The following CDH13 variants were observed in gnomAD, a reference collection of about 807,000 sequenced individuals.
The protein encoded by CDH13 is cadherin-13.
A neutral mutation model predicts 63.8 loss-of-function variants in CDH13; 24 were observed. The ratio of observed to expected loss-of-function variants is 0.38; its 90% CI spans 0.27 to 0.53. The LOEUF is 0.53. Ranked by LOEUF, CDH13 falls within the 20% of genes least tolerant of loss-of-function variation. CDH13 has a pLI of 0.85. For missense variants in CDH13, 1,049 were observed against 903.1 expected (o/e 1.16, Z -2.07); for synonymous variants, 503 against 355.3 (o/e 1.42, Z -4.67).
chr16:82,959,856 C>A (rs901419400), intron 2 of CDH13, among the ~76,000 whole-genome samples: 1 of 152,152 alleles, frequency 6.6e-6, no homozygotes, highest in Admixed American at 6.5e-5. Flanking sequence ...ATGAGTACGG[C>A]AGCTATGCAC....
At chr16:83,673,381 C>T (rs1247321653) in intron 9 of CDH13, among the ~76,000 whole-genome samples, 4 of 152,152 alleles carry the variant, frequency 2.6e-5, no homozygotes, top group Non-Finnish European at 5.9e-5. Flanking sequence ...CTCAGGAGTA[C>T]TACCCTCCTC....
At chr16:82,934,643 T>G (rs564946097) in intron 2 of CDH13, among the ~76,000 whole-genome samples, 1 of 152,314 alleles carries the variant, frequency 6.6e-6, no homozygotes, top group African/African-American at 2.4e-5. Context: ...CTCTGCTTCC[T>G]CTTGCAAGCT....
In CDH13 at chr16:83,216,447, C is replaced by G. The variant is rs568250671; in HGVS notation, c.484-898C>G. On this transcript the variant is annotated intron_variant, in intron 4 of 13. Coordinates refer to ENST00000567109, the MANE Select transcript of CDH13 (RefSeq NM_001257.5). The stretch of plus-strand genomic sequence containing the variant: ...ATATATATATATATATATATATACA[C>G]AACCCTAATTTGAGGTTTATATATA... Among the ~76,000 whole-genome samples, 214 of 33,058 alleles carry G rather than the reference C, an allele frequency of 6.5e-3. 6 individuals are homozygous for G. Among genetic ancestry groups the G allele is most frequent in the Non-Finnish European group, 0.015 (175 of 11,634 alleles). The allele number at this position is 33,058 out of a possible 152,430, so 21.7% of individuals were successfully genotyped here. A position where few individuals can be genotyped will look rare whatever the true frequency, so the allele number is the denominator to read the frequency against.
intron 2 of CDH13, among the ~76,000 whole-genome samples, chr16:82,938,739 G>C (rs557098454): frequency 6.6e-6 from 1 of 152,194 alleles, no homozygotes. Flanking sequence ...GAGAGTCAAC[G>C]TAGGGTGCAG....
chr16:83,439,762 A>G (rs2072429693), intron 6 of CDH13, among the ~76,000 whole-genome samples: 1 of 152,210 alleles, frequency 6.6e-6, no homozygotes, highest in East Asian at 1.9e-4. Flanking sequence ...TGACAGGAGA[A>G]CACCAACATC....
intron 2 of CDH13, among the ~76,000 whole-genome samples, chr16:82,880,384 G>A (rs1484926452): frequency 6.6e-6 from 1 of 152,102 alleles, no homozygotes; most frequent in Non-Finnish European, 1.5e-5. Context: ...TTCATATATC[G>A]GTGGTACTAA....
chr16:83,776,361 T>G (rs1257508376), intron 11 of CDH13, among the ~76,000 whole-genome samples: 1 of 152,222 alleles, frequency 6.6e-6, no homozygotes, highest in Non-Finnish European at 1.5e-5. Context: ...GAAATTTAAC[T>G]AAATGACTAA....
chr16:83,047,790 G>C lies in CDH13; in HGVS notation c.366+15572G>C, dbSNP rs879844049. On this transcript the variant is annotated intron_variant, in intron 3 of 13. Coordinates refer to ENST00000567109, the MANE Select transcript of CDH13 (RefSeq NM_001257.5). This position sits in a 1 kb window ranked among gnomAD's most constrained non-coding sequence, Gnocchi z 4.9. The stretch of plus-strand genomic sequence containing the variant: ...AATTTATTTAGCTCAAACGTTGTGC[G>C]GGGCACCACTTTAAGTGCATTTCTT... Among the ~76,000 whole-genome samples, 22 of 152,144 alleles carry C rather than the reference G, an allele frequency of 1.4e-4. No individual in the cohort carries two copies. The Middle Eastern group carries it at 0.01, about 71-fold the overall frequency.
chr16:82,782,262 G>A (rs1300968909), intron 1 of CDH13, among the ~76,000 whole-genome samples: 1 of 152,144 alleles, frequency 6.6e-6, no homozygotes, highest in African/African-American at 2.4e-5. Flanking sequence ...GAAGAAAGGA[G>A]AAAAGAGTAA....
intron 6 of CDH13, among the ~76,000 whole-genome samples, chr16:83,381,719 A>AT (rs201398230): frequency 6.6e-6 from 1 of 151,770 alleles, no homozygotes; most frequent in African/African-American, 2.4e-5. Flanking sequence ...GAAATTAGGG[A>AT]TTAAAAAAAA....
chr16:83,725,940 T>C (rs928957419), intron 10 of CDH13: 4 of 152,226 alleles, frequency 2.6e-5, no homozygotes, highest in African/African-American at 9.6e-5. Flanking sequence ...ATAAATCAAT[T>C]CTCATGATCT....
chr16:83,046,468 AC>A (rs1189067803), intron 3 of CDH13, among the ~76,000 whole-genome samples: 1 of 152,240 alleles, frequency 6.6e-6, no homozygotes, highest in African/African-American at 2.4e-5. Context: ...AGAAAAGAAA[AC>A]TTTTAAATAA....
At chr16:82,793,635 A>T (rs2036428698) in intron 1 of CDH13, among the ~76,000 whole-genome samples, 2 of 152,132 alleles carry the variant, frequency 1.3e-5, no homozygotes, top group Admixed American at 1.3e-4. Flanking sequence ...TATGCCCGAT[A>T]TAGTAACAGA....
chr16:82,987,530 C>T, intron 2 of CDH13, among the ~76,000 whole-genome samples: 1 of 152,082 alleles, frequency 6.6e-6, no homozygotes, highest in East Asian at 1.9e-4. Context: ...GCCCCTAAAA[C>T]CACGCTCAGC....
At chr16:83,052,801 A>AAAAAAAAAG (rs1555571697) in intron 3 of CDH13, among the ~76,000 whole-genome samples, 6 of 122,670 alleles carry the variant, frequency 4.9e-5, no homozygotes, top group Non-Finnish European at 6.4e-5. Flanking sequence ...AAAAAAAAAA[A>AAAAAAAAAG]AAAGAAAGAA....
At chr16:82,882,359 C>A (rs139578125) in intron 2 of CDH13, among the ~76,000 whole-genome samples, 1 of 152,260 alleles carries the variant, frequency 6.6e-6, no homozygotes, top group Non-Finnish European at 1.5e-5. Context: ...CACTCACTTC[C>A]TGAAGTCACT....
chr16:83,317,163 C>T (rs937871661), intron 5 of CDH13, among the ~76,000 whole-genome samples: 1 of 152,168 alleles, frequency 6.6e-6, no homozygotes, highest in African/African-American at 2.4e-5. Context: ...ATTATCTGGT[C>T]CCAAATGTCA....
chr16:83,256,701 C>A (rs779248961), intron 5 of CDH13, among the ~76,000 whole-genome samples: 1 of 145,694 alleles, frequency 6.9e-6, no homozygotes, highest in Non-Finnish European at 1.5e-5. Context: ...AAAAATTAGC[C>A]GGGCATGGTG....
chr16:82,828,055 G>A (rs527365954), intron 1 of CDH13, among the ~76,000 whole-genome samples: 77 of 152,250 alleles, frequency 5.1e-4, no homozygotes, highest in African/African-American at 1.7e-3. Flanking sequence ...ATCCTATTAT[G>A]AGAGGTTAGA....
Sources: gnomAD v4.1 joint callset for allele counts (sites outside exome capture counted in the v4.1 genomes callset) on GRCh38, gnomAD v4.1.1 for gene constraint, Gnocchi (gnomAD v3.1) non-coding constraint, MANE v1.5 for transcripts, NCBI Gene and HGNC (gene_info 2026-07-23, HGNC 2026-07-21) for gene names.